Variants in DAPK1 observed in about 807,000 individuals in gnomAD.
The protein encoded by DAPK1 is death associated protein kinase 1.
Under a neutral mutation model 144.9 loss-of-function variants are expected in DAPK1, and 56 were observed. That is an observed-to-expected ratio of 0.39 (90% CI 0.31 to 0.48). The LOEUF (loss-of-function observed/expected upper bound fraction) is 0.48, where lower values mean the gene tolerates loss of function less well. Among genes scored for constraint, DAPK1 ranks in the 20% least tolerant of loss-of-function variants. DAPK1 has a pLI of 0.95. For missense variants in DAPK1, 1,454 were observed against 1,875.4 expected (o/e 0.78, Z 4.15); for synonymous variants, 690 against 749.0 (o/e 0.92, Z 1.29).
chr9:87,603,161 C>T (rs1042896131), intron 2 of DAPK1, among the ~76,000 whole-genome samples: 1 of 152,106 alleles, frequency 6.6e-6, no homozygotes, highest in Admixed American at 6.6e-5. Flanking sequence ...ACAATAACAT[C>T]TTTGTAAGGA....
At chr9:87,497,836 C>T (rs1338853202), upstream of DAPK1, 6 of 388,702 alleles carry the variant, frequency 1.5e-5, no homozygotes, top group Admixed American at 1.8e-4. Context: ...GGCCGCCCTC[C>T]GCCCAAAAGG....
At chr9:87,662,105 T>C (rs72747875) in intron 18 of DAPK1, among the ~76,000 whole-genome samples, 9,903 of 152,310 alleles carry the variant, frequency 0.065, 401 homozygotes, top group East Asian at 0.17. Context: ...TATGTTCTTA[T>C]CAGTTTTGTC....
chr9:87,597,409 G>C (rs1377551796), intron 2 of DAPK1, among the ~76,000 whole-genome samples: 1 of 152,114 alleles, frequency 6.6e-6, no homozygotes, highest in African/African-American at 2.4e-5. Context: ...GTTCCAATGG[G>C]GGGGAAAATG....
intron 14 of DAPK1, among the ~76,000 whole-genome samples, chr9:87,648,253 G>A (rs1356025717): frequency 6.6e-6 from 1 of 152,218 alleles, no homozygotes; most frequent in Non-Finnish European, 1.5e-5. Context: ...GTATCTTAAA[G>A]GATTTGCACT....
At chr9:87,624,076 G>A (rs953321569) in intron 3 of DAPK1, among the ~76,000 whole-genome samples, 1 of 152,238 alleles carries the variant, frequency 6.6e-6, no homozygotes, top group South Asian at 2.1e-4. Context: ...TTGATGTGAA[G>A]TGGCAACAGT....
intron 3 of DAPK1, 102 bp from the exon 4 acceptor site, chr9:87,637,841 G>T: frequency 7.7e-7 from 1 of 1,305,346 alleles, no homozygotes; most frequent in East Asian, 2.3e-5. Context: ...TAGTCTTTAT[G>T]CTGTTTTCTT....
intron 3 of DAPK1, among the ~76,000 whole-genome samples, chr9:87,621,988 A>G (rs1204975558): frequency 6.6e-6 from 1 of 151,436 alleles, no homozygotes; most frequent in Non-Finnish European, 1.5e-5. Flanking sequence ...CTTTGGGCCC[A>G]TGGAATGACT....
chr9:87,511,668 T>TTGTGTGTGTGTGTGTGTGTGTG (rs59377718), intron 2 of DAPK1, among the ~76,000 whole-genome samples: 11 of 140,742 alleles, frequency 7.8e-5, no homozygotes, highest in East Asian at 4.3e-4. Context: ...TCTTTTTCTT[T>TTGTGTGTGTGTGTGTGTGTGTG]TGTGTGTGTG....
At chr9:87,627,291 A>G (rs976366108) in intron 3 of DAPK1, among the ~76,000 whole-genome samples, 6 of 152,162 alleles carry the variant, frequency 3.9e-5, no homozygotes, top group African/African-American at 1.2e-4. Context: ...TAAGCAGGAA[A>G]ATGCTTTTTG....
At chr9:87,649,344 G>T (rs1254703022) in intron 15 of DAPK1, among the ~76,000 whole-genome samples, 2 of 152,178 alleles carry the variant, frequency 1.3e-5, no homozygotes, top group Admixed American at 6.5e-5. Flanking sequence ...GAAGATACAG[G>T]CCTCACGGTC....
At chr9:87,525,387 A>C in intron 2 of DAPK1, 3 of 1,611,540 alleles carry the variant, frequency 1.9e-6, no homozygotes, top group Non-Finnish European at 2.5e-6. Flanking sequence ...AACAACCGGC[A>C]CGGTCTGATC....
chr9:87,611,703 C>T (rs940150466), intron 3 of DAPK1, among the ~76,000 whole-genome samples: 3 of 152,322 alleles, frequency 2.0e-5, no homozygotes, highest in Admixed American at 2.0e-4. Context: ...AGCCCTCTCA[C>T]CCTGTCCTCC....
intron 3 of DAPK1, among the ~76,000 whole-genome samples, chr9:87,621,426 A>C (rs1034627206): frequency 6.6e-6 from 1 of 152,174 alleles, no homozygotes; most frequent in Non-Finnish European, 1.5e-5. Context: ...TGCACCACCT[A>C]GTCCAGATTT....
intron 2 of DAPK1, among the ~76,000 whole-genome samples, chr9:87,582,922 A>T (rs1827802546): frequency 6.6e-6 from 1 of 152,032 alleles, no homozygotes; most frequent in South Asian, 2.1e-4. Flanking sequence ...TCAGAACCAC[A>T]GGAGCAGCAG....
At chr9:87,651,749 A>G (rs1251432267) in intron 17 of DAPK1, 25 bp downstream of exon 17, 7 of 1,602,322 alleles carry the variant, frequency 4.4e-6, no homozygotes, top group Non-Finnish European at 6.0e-6. Context: ...CAGGATCCCT[A>G]CAGCTTCCAA....
intron 18 of DAPK1, among the ~76,000 whole-genome samples, chr9:87,662,759 A>G (rs141396661): frequency 8.7e-4 from 133 of 152,108 alleles, no homozygotes; most frequent in Non-Finnish European, 1.5e-3. Context: ...ATAAAATCAT[A>G]TCATCAGTGA....
Position 87,684,485 on chromosome 9 carries a change from C to A in DAPK1, c.2225-2066C>A, listed in dbSNP as rs188839556. 1.8e-3 allele frequency among the ~76,000 whole-genome samples: 273 copies of A among 152,326 alleles called. 5 individuals carry two copies. The highest frequency in any genetic ancestry group is 7.3e-4 in the Non-Finnish European group (50 of 68,028). ...GAAGTTTGCTTTTAGAATTTTGGCC[C>A]TTTTCCACTGCCGTTCTCTTGAGAA... On this transcript the variant is annotated intron_variant, in intron 20 of 25. Coordinates refer to ENST00000408954, the MANE Select transcript of DAPK1 (RefSeq NM_004938.4).
chr9:87,649,264 C>G (rs1163455275), intron 15 of DAPK1, among the ~76,000 whole-genome samples: 6 of 152,154 alleles, frequency 3.9e-5, no homozygotes, highest in Non-Finnish European at 8.8e-5. Context: ...TCAGAGTCCA[C>G]CTTTGTAACC....
intron 21 of DAPK1, among the ~76,000 whole-genome samples, chr9:87,689,560 T>A (rs1824983375): frequency 6.6e-6 from 1 of 152,202 alleles, no homozygotes; most frequent in Non-Finnish European, 1.5e-5. Flanking sequence ...TTACCTGTGC[T>A]TTTGAGGTTT....
Sources: gnomAD v4.1 joint callset for allele counts (sites outside exome capture counted in the v4.1 genomes callset) on GRCh38, gnomAD v4.1.1 for gene constraint, MANE v1.5 for transcripts, NCBI Gene and HGNC (gene_info 2026-07-23, HGNC 2026-07-21) for gene names.